SUN2: variants seen among roughly 807,000 people sequenced by gnomAD.
SUN2 encodes the protein SUN domain-containing protein 2.
In SUN2, 60 loss-of-function variants were observed where a neutral mutation model predicts 100.0. That is an observed-to-expected ratio of 0.60 (90% CI 0.49 to 0.74). SUN2 has a LOEUF of 0.74. Among genes scored for constraint, SUN2 ranks in the 30% least tolerant of loss-of-function variants. SUN2 has a pLI of 0.00. For synonymous variants in SUN2, 367 were observed against 403.3 expected (o/e 0.91, Z 1.08); for missense variants, 834 against 954.6 (o/e 0.87, Z 1.66).
In SUN2 at chr22:38,734,933, GC is replaced by G. The variant is rs2092788693; in HGVS notation, c.*1333del. On this transcript the variant is annotated 3_prime_UTR_variant, in exon 18 of 18. Coordinates refer to ENST00000689035, the MANE Select transcript of SUN2 (RefSeq NM_015374.3). ...TTTGAGGCTCAGTGCTGCAGTGAAG[GC>G]CTGCCCGCCTTCTTGCCCCTTCCCC... is the stretch of plus-strand genomic sequence containing the variant. 1 of 276,708 alleles carries G rather than the reference GC, an allele frequency of 3.6e-6. No homozygotes were observed. The highest frequency in any genetic ancestry group is 3.2e-5 in the South Asian group (1 of 31,120). The allele number at this position is 276,708 out of a possible 1,614,324, so 17.1% of individuals were successfully genotyped here. A position where few individuals can be genotyped will look rare whatever the true frequency, so the allele number is the denominator to read the frequency against.
Position 38,741,540 on chromosome 22 carries a change from T to G in SUN2, c.1100A>C (p.Gln367Pro). 1.9e-6 allele frequency: 3 copies of G among 1,614,086 alleles called. No homozygotes were observed. The East Asian group carries it at 6.7e-5, about 36-fold the overall frequency. Residue 367 changes from glutamine to proline, a missense_variant, in exon 10 of 18, where the codon CAG (glutamine) becomes CCG (proline). By Grantham distance (76) the Gln-to-Pro change is moderately conservative. This residue lies in a region of SUN2 where 559 missense variants were observed against 597.7 expected (regional missense o/e 0.94). Coordinates refer to ENST00000689035, the MANE Select transcript of SUN2 (RefSeq NM_015374.3). ...EELSALRAEH[Q>P]QDSEDLFKKI... ...CTTGAAGAGGTCTTCTGAGTCTTGC[T>G]GATGCTCTGCTCTCAGGGCAGACAG... is the stretch of plus-strand genomic sequence containing the variant.
At chr22:38,750,567 G>T (rs1422095762) in intron 4 of SUN2, among the ~76,000 whole-genome samples, 1 of 152,248 alleles carries the variant, frequency 6.6e-6, no homozygotes, top group Non-Finnish European at 1.5e-5. Context: ...AGGTGCTGGG[G>T]TCTGACATGC....
In SUN2 at chr22:38,737,745, G is replaced by A; in HGVS notation, c.2040+428C>T. 1 of 372,312 alleles carries A rather than the reference G, an allele frequency of 2.7e-6. No homozygotes were observed. The highest frequency in any genetic ancestry group is 5.3e-6 in the Non-Finnish European group (1 of 188,500). The allele number at this position is 372,312 out of a possible 1,614,324, so 23.1% of individuals were successfully genotyped here. A position where few individuals can be genotyped will look rare whatever the true frequency, so the allele number is the denominator to read the frequency against. On this transcript the variant is annotated intron_variant, in intron 17 of 17. Coordinates refer to ENST00000689035, the MANE Select transcript of SUN2 (RefSeq NM_015374.3). The surrounding 1 kb of genome is among the most constrained non-coding windows in gnomAD (Gnocchi z 4.1). Reference sequence around the variant, plus strand: ...CAGACTCTCCTGGGGTGGAGACTGGGAATCTGCATTTCTAACTGACTTAGG... The same window carrying A: ...CAGACTCTCCTGGGGTGGAGACTGGAAATCTGCATTTCTAACTGACTTAGG...
Position 38,739,258 on chromosome 22 carries a change from C to A in SUN2, c.1663+84G>T. Reference sequence around the variant, plus strand: ...CTGATCCTGAGCTTTGCTTGCTCTGCCCCACCACCAACCTGGTAGATGCCA... The same window carrying A: ...CTGATCCTGAGCTTTGCTTGCTCTGACCCACCACCAACCTGGTAGATGCCA... On this transcript the variant is annotated intron_variant, in intron 14 of 17. Coordinates refer to ENST00000689035, the MANE Select transcript of SUN2 (RefSeq NM_015374.3). The surrounding 1 kb of genome is among the most constrained non-coding windows in gnomAD (Gnocchi z 6.7). The A allele has an allele frequency of 6.9e-7, 1 of 1,452,122 alleles. No homozygotes were observed. Among genetic ancestry groups the A allele is most frequent in the Non-Finnish European group, 9.7e-7 (1 of 1,034,056 alleles). 90.0% of individuals were successfully genotyped at this position (1,452,122 alleles called of 1,614,324 possible). A position where few individuals can be genotyped will look rare whatever the true frequency, so the allele number is the denominator to read the frequency against.
chr22:38,735,406 C>T lies in SUN2; in HGVS notation c.*861G>A. On this transcript the variant is annotated 3_prime_UTR_variant, in exon 18 of 18. Transcript: ENST00000689035. ...AGTTCCATGCTCCCCACTCTTCTTG[C>T]TATAACCCCAGATGCTAATGGCCCC... The T allele has an allele frequency of 2.8e-6, 1 of 353,136 alleles. No individual in the cohort carries two copies. The highest frequency in any genetic ancestry group is 2.1e-5 in the African/African-American group (1 of 46,564). 21.9% of individuals were successfully genotyped at this position (353,136 alleles called of 1,614,324 possible). A position where few individuals can be genotyped will look rare whatever the true frequency, so the allele number is the denominator to read the frequency against.
chr22:38,748,306 ACT>A (rs961229032), intron 7 of SUN2, among the ~76,000 whole-genome samples: 7 of 151,944 alleles, frequency 4.6e-5, no homozygotes, highest in African/African-American at 1.5e-4. Flanking sequence ...AAGAGCAAAA[ACT>A]CTGTCTCAAA....
At position 38,755,771 on chromosome 22, in the gene SUN2, G is replaced by C; in HGVS notation, c.-46C>G. ...AGCTCGCCCGCACTCACCTGCTGCC[G>C]CGGCGGCTTCTAGCCCGGCCGGGGG... On this transcript the variant is annotated 5_prime_UTR_variant, in exon 1 of 18. Coordinates refer to ENST00000689035, the MANE Select transcript of SUN2 (RefSeq NM_015374.3). The surrounding 1 kb of genome is among the most constrained non-coding windows in gnomAD (Gnocchi z 5.7). 2 of 984,738 alleles carry C rather than the reference G, an allele frequency of 2.0e-6. No homozygotes were observed. The highest frequency in any genetic ancestry group is 2.4e-6 in the Non-Finnish European group (2 of 829,694). The allele number at this position is 984,738 out of a possible 1,614,324, so 61.0% of individuals were successfully genotyped here.
At position 38,741,645 on chromosome 22, in the gene SUN2, G is replaced by A. The variant is rs1258406434; in HGVS notation, c.1069-74C>T. 19 of 1,409,024 alleles carry A rather than the reference G, an allele frequency of 1.3e-5. No homozygotes were observed. In the East Asian group the frequency reaches 4.4e-4, roughly 32 times the overall value. The allele number at this position is 1,409,024 out of a possible 1,614,324, so 87.3% of individuals were successfully genotyped here. ...GGACCCTCATGACTAGGAAGTGGCGGAACTGGAATTCAAACAAGGTCTGTT... is the reference window on the plus strand; with the variant it reads ...GGACCCTCATGACTAGGAAGTGGCGAAACTGGAATTCAAACAAGGTCTGTT... On this transcript the variant is annotated intron_variant, in intron 9 of 17. Transcript: ENST00000689035.
rs773401691 is a variant in SUN2 at position 38,736,182 on chromosome 22, G to C, written c.*85C>G. Reference sequence around the variant, plus strand: ...TCCTCTCTTGTGCTCCTAGAAGTCAGAGCGCCGAGCAAGCGTGTGGGGGAA... The same window carrying C: ...TCCTCTCTTGTGCTCCTAGAAGTCACAGCGCCGAGCAAGCGTGTGGGGGAA... On this transcript the variant is annotated 3_prime_UTR_variant, in exon 18 of 18. Coordinates refer to ENST00000689035, the MANE Select transcript of SUN2 (RefSeq NM_015374.3). 7.7e-7 allele frequency: 1 copy of C among 1,298,540 alleles called. No homozygotes were observed. Among genetic ancestry groups the C allele is most frequent in the Non-Finnish European group, 1.1e-6 (1 of 898,954 alleles). 80.4% of individuals were successfully genotyped at this position (1,298,540 alleles called of 1,614,324 possible).
chr22:38,749,734 C>T lies in SUN2; in HGVS notation c.614+32G>A, dbSNP rs771691621. The T allele has an allele frequency of 2.2e-5, 35 of 1,603,176 alleles. No homozygotes were observed. In the East Asian group the frequency reaches 2.2e-4, roughly 10 times the overall value. ...CCCGTCCCTTCACCCCAGGGCCTTG[C>T]GATTTATTGGCAAGGGTGGAGTCTC... On this transcript the variant is annotated intron_variant, in intron 6 of 17. Transcript: ENST00000689035.
chr22:38,750,760 A>G, intron 4 of SUN2, 138 bp downstream of exon 4: 2 of 1,380,404 alleles, frequency 1.4e-6, no homozygotes, highest in Non-Finnish European at 2.0e-6. Flanking sequence ...GCTGGGGCGC[A>G]CCCAGGGCCG....
chr22:38,750,432 CCCCACACAGG>C (rs2092936406), intron 4 of SUN2, 112 bp from the exon 5 acceptor site: 1 of 1,538,702 alleles, frequency 6.5e-7, no homozygotes, highest in Non-Finnish European at 8.8e-7. Context: ...ATCCCCACAG[CCCCACACAGG>C]CCCGGTGTGC....
At position 38,755,752 on chromosome 22, in the gene SUN2, C is replaced by T. The variant is rs1227496762; in HGVS notation, c.-38+11G>A. The T allele has an allele frequency of 3.0e-6, 3 of 984,990 alleles. No homozygotes were observed. The highest frequency in any genetic ancestry group is 3.6e-6 in the Non-Finnish European group (3 of 829,764). The allele number at this position is 984,990 out of a possible 1,614,324, so 61.0% of individuals were successfully genotyped here. Reference sequence around the variant, plus strand: ...GCCCCCCAACCCTCTCCTGAGCTCGCCCGCACTCACCTGCTGCCGCGGCGG... The same window carrying T: ...GCCCCCCAACCCTCTCCTGAGCTCGTCCGCACTCACCTGCTGCCGCGGCGG... On this transcript the variant is annotated intron_variant, in intron 1 of 17. Coordinates refer to ENST00000689035, the MANE Select transcript of SUN2 (RefSeq NM_015374.3). This position sits in a 1 kb window ranked among gnomAD's most constrained non-coding sequence, Gnocchi z 5.7.
chr22:38,754,928 G>A (rs2092974247), intron 1 of SUN2: 1 of 1,289,314 alleles, frequency 7.8e-7, no homozygotes, highest in Non-Finnish European at 1.0e-6. Flanking sequence ...AGATGAAAAA[G>A]GTCGAGGCCC....
intron 6 of SUN2, chr22:38,749,098 TA>T (rs1463745785): frequency 4.4e-5 from 14 of 315,188 alleles, no homozygotes; most frequent in Admixed American, 8.7e-5. Flanking sequence ...AAAAAAAAAG[TA>T]ACTCCTTAAA....
intron 9 of SUN2, 121 bp downstream of exon 9, chr22:38,742,180 T>G: frequency 1.5e-5 from 19 of 1,228,866 alleles, no homozygotes; most frequent in South Asian, 1.4e-4. Flanking sequence ...AGAAAGGGAG[T>G]AACTGCAAAA....
Position 38,742,400 on chromosome 22 carries a change from C to G in SUN2, c.969G>C (p.Leu323=), listed in dbSNP as rs2092866394. The G allele has an allele frequency of 6.2e-7, 1 of 1,613,370 alleles. No individual in the cohort carries two copies. The highest frequency in any genetic ancestry group is 8.5e-7 in the Non-Finnish European group (1 of 1,179,978). The change falls in exon 9 of 18, where the codon CTG becomes CTC. Residue 323 remains leucine (L), a synonymous_variant. Transcript: ENST00000689035. ...GAPGQGGGGG[L]SHEDTLALLE... ...GCAGCGCCAGGGTGTCCTCGTGGCTCAGGCCACCACCACCTCCCTGGCCAG... is the reference window on the plus strand; with the variant it reads ...GCAGCGCCAGGGTGTCCTCGTGGCTGAGGCCACCACCACCTCCCTGGCCAG...
Position 38,741,017 on chromosome 22 carries a change from C to T in SUN2, c.1180G>A (p.Glu394Lys). 6.3e-7 allele frequency: 1 copy of T among 1,596,328 alleles called. No homozygotes were observed. The highest frequency in any genetic ancestry group is 2.3e-5 in the East Asian group (1 of 44,214). ...GGTGGCGCCCAGTACCTTTGCCACT[C>T]TGACTTCAGCTGCTGGATGCGAGCC... ...SEARIQQLKS[E>K]WQSMTQESFQ... Residue 394 changes from glutamate (E) to lysine (K), a missense_variant, in exon 11 of 18, where the codon GAG becomes AAG. By Grantham distance (56) the Glu-to-Lys change is moderately conservative (BLOSUM62 1). Around this residue, in one of 3 missense-constraint regions of SUN2, gnomAD observed 559 missense variants for 597.7 expected, o/e 0.94. Coordinates refer to ENST00000689035, the MANE Select transcript of SUN2 (RefSeq NM_015374.3).
At chr22:38,749,621 G>C (rs2092928150) in intron 6 of SUN2, 145 bp downstream of exon 6, 1 of 725,636 alleles carries the variant, frequency 1.4e-6, no homozygotes, top group Non-Finnish European at 2.2e-6. Flanking sequence ...TGGGCTTTGG[G>C]GAAGCTACTC....
Sources: allele counts gnomAD v4.1 joint callset (sites outside exome capture counted in the v4.1 genomes callset), GRCh38; gene constraint gnomAD v4.1.1; regional missense constraint gnomAD v4.1.1; non-coding constraint Gnocchi (gnomAD v3.1); transcripts MANE v1.5; gene names NCBI Gene and HGNC (gene_info 2026-07-23, HGNC 2026-07-21).